STARD13: variants seen among roughly 807,000 people sequenced by gnomAD.
STARD13 encodes StAR related lipid transfer domain containing 13, also known as stAR-related lipid transfer protein 13.
In STARD13, 62 loss-of-function variants were observed where a neutral mutation model predicts 106.4. That is an observed-to-expected ratio of 0.58 (90% CI 0.48 to 0.72). STARD13 has a LOEUF of 0.72. Among genes scored for constraint, STARD13 ranks in the 30% least tolerant of loss-of-function variants. The pLI is 0.00. For missense variants in STARD13, 1,387 were observed against 1,424.0 expected, an observed-to-expected ratio of 0.97 and a Z score of 0.42; for synonymous variants, 565 against 553.0, an observed-to-expected ratio of 1.02 and a Z score of -0.31.
At chr13:33,402,484 T>C in the STARD13 span, among the ~76,000 whole-genome samples, 1 of 152,212 alleles carries the variant, frequency 6.6e-6, no homozygotes, top group Non-Finnish European at 1.5e-5. Flanking sequence ...GGCTAGAAGA[T>C]GGACTGGCTA....
the STARD13 span, among the ~76,000 whole-genome samples, chr13:33,618,940 G>A: frequency 1.3e-5 from 2 of 151,942 alleles, no homozygotes; most frequent in African/African-American, 4.8e-5. Flanking sequence ...GTGTGTGTGT[G>A]TTTTGTGGAT....
the STARD13 span, among the ~76,000 whole-genome samples, chr13:33,613,123 T>C: frequency 6.6e-6 from 1 of 152,232 alleles, no homozygotes; most frequent in African/African-American, 2.4e-5. Context: ...ATGAATAGGA[T>C]GGTTCCTGCC....
chr13:33,241,610 G>A (rs1889505001), intron 1 of STARD13, among the ~76,000 whole-genome samples: 1 of 136,800 alleles, frequency 7.3e-6, no homozygotes, highest in Non-Finnish European at 1.5e-5. Flanking sequence ...GGACCATACT[G>A]CCGCCATCTC....
At chr13:33,597,854 C>CAAA in the STARD13 span, among the ~76,000 whole-genome samples, 1 of 132,374 alleles carries the variant, frequency 7.6e-6, no homozygotes, top group African/African-American at 2.8e-5. Context: ...AACTCCGTCT[C>CAAA]AAAAAAAAAA....
At chr13:33,440,725 C>T in the STARD13 span, among the ~76,000 whole-genome samples, 1 of 147,110 alleles carries the variant, frequency 6.8e-6, no homozygotes, top group Non-Finnish European at 1.5e-5. Flanking sequence ...AGGTTTAGAT[C>T]TCCAACTTAG....
chr13:33,474,796 C>T, the STARD13 span, among the ~76,000 whole-genome samples: 1 of 152,160 alleles, frequency 6.6e-6, no homozygotes, highest in South Asian at 2.1e-4. Context: ...ACAAATAAGA[C>T]TCATTTACTT....
chr13:33,160,383 T>G (rs1882483079), intron 3 of STARD13, among the ~76,000 whole-genome samples: 1 of 152,216 alleles, frequency 6.6e-6, no homozygotes, highest in Admixed American at 6.5e-5. Flanking sequence ...TGACCCTATG[T>G]TAGGCAAATA....
chr13:33,270,023 G>A (rs950065405), intron 1 of STARD13, among the ~76,000 whole-genome samples: 2 of 152,130 alleles, frequency 1.3e-5, no homozygotes, highest in African/African-American at 2.4e-5. Context: ...ATCATCTAAG[G>A]TCAGGAGTTC....
chr13:33,375,972 G>A, the STARD13 span, among the ~76,000 whole-genome samples: 1 of 151,936 alleles, frequency 6.6e-6, no homozygotes, highest in African/African-American at 2.4e-5. Flanking sequence ...TACTGGTTTT[G>A]ACCACATTAC....
At chr13:33,549,048 A>T in the STARD13 span, among the ~76,000 whole-genome samples, 2 of 152,102 alleles carry the variant, frequency 1.3e-5, no homozygotes, top group African/African-American at 4.8e-5. Context: ...CTCATGTGTT[A>T]ACAATTTATA....
At chr13:33,451,386 A>G in the STARD13 span, among the ~76,000 whole-genome samples, 1 of 152,180 alleles carries the variant, frequency 6.6e-6, no homozygotes, top group East Asian at 1.9e-4. Context: ...GTGGAAAGGA[A>G]GAGATCGGAC....
intron 1 of STARD13, among the ~76,000 whole-genome samples, chr13:33,215,385 C>T (rs1186267739): frequency 6.6e-6 from 1 of 152,210 alleles, no homozygotes; most frequent in Non-Finnish European, 1.5e-5. Flanking sequence ...TCTCCTATTT[C>T]AACCTCTGGC....
At chr13:33,406,829 C>T in the STARD13 span, among the ~76,000 whole-genome samples, 11 of 152,272 alleles carry the variant, frequency 7.2e-5, no homozygotes, top group South Asian at 1.0e-3. Context: ...GGCAGAGCGT[C>T]GCCTTGTGAG....
chr13:33,162,140 A>C (rs1468596044), intron 3 of STARD13, among the ~76,000 whole-genome samples: 1 of 152,206 alleles, frequency 6.6e-6, no homozygotes, highest in Non-Finnish European at 1.5e-5. Flanking sequence ...CCTTCCCAAC[A>C]GTCCCCCAAA....
chr13:33,653,351 C>A, the STARD13 span, among the ~76,000 whole-genome samples: 1 of 152,128 alleles, frequency 6.6e-6, no homozygotes, highest in African/African-American at 2.4e-5. Flanking sequence ...TGGAATAGGA[C>A]TCAGAATCCA....
chr13:33,592,323 ATATTG>A, the STARD13 span, among the ~76,000 whole-genome samples: 2 of 152,192 alleles, frequency 1.3e-5, no homozygotes. Context: ...TCAAGTTACT[ATATTG>A]TATAATATGT....
chr13:33,118,349 C>A, intron 7 of STARD13, 86 bp from the exon 8 acceptor site: 2 of 1,128,204 alleles, frequency 1.8e-6, no homozygotes, highest in Non-Finnish European at 2.7e-6. Context: ...ACTGGATGAG[C>A]TGGAATTGCC....
intron 1 of STARD13, among the ~76,000 whole-genome samples, chr13:33,262,589 C>T (rs1890692783): frequency 6.6e-6 from 1 of 150,986 alleles, no homozygotes; most frequent in South Asian, 2.1e-4. Context: ...TAGCTGTTTG[C>T]TTATTGTTGT....
intron 3 of STARD13, among the ~76,000 whole-genome samples, chr13:33,152,853 T>A (rs754014540): frequency 4.6e-5 from 7 of 152,012 alleles, no homozygotes; most frequent in Non-Finnish European, 8.8e-5. Flanking sequence ...CCGTATTACA[T>A]GGGGAGCCGA....
Sources: allele counts gnomAD v4.1 joint callset (sites outside exome capture counted in the v4.1 genomes callset), GRCh38; gene constraint gnomAD v4.1.1; transcripts MANE v1.5; gene names NCBI Gene and HGNC (gene_info 2026-07-23, HGNC 2026-07-21).